Variants in ANO1 observed in about 807,000 individuals in gnomAD.
The protein encoded by ANO1 is anoctamin 1.
A neutral mutation model predicts 124.0 loss-of-function variants in ANO1; 59 were observed. The observed-to-expected ratio is 0.48, with a 90% CI of 0.39 to 0.59. ANO1 has a LOEUF of 0.59. Among genes scored for constraint, ANO1 ranks in the 20% least tolerant of loss-of-function variants. ANO1 has a pLI of 0.00. For missense variants in ANO1, 1,059 were observed against 1,328.0 expected (o/e 0.80, Z 3.15); for synonymous variants, 529 against 532.0 (o/e 0.99, Z 0.08).
intron 7 of ANO1, among the ~76,000 whole-genome samples, chr11:70,113,689 G>T (rs138963720): frequency 2.6e-5 from 4 of 152,142 alleles, no homozygotes; most frequent in Admixed American, 6.5e-5. Context: ...AAATGTTTCC[G>T]GCCCTCCCTG....
chr11:70,089,918 ACT>A (rs902733195), intron 2 of ANO1, among the ~76,000 whole-genome samples: 12 of 152,062 alleles, frequency 7.9e-5, no homozygotes, highest in South Asian at 2.1e-4. Flanking sequence ...GGCCGAGGCC[ACT>A]CTCTGGGAGC....
intron 1 of ANO1, among the ~76,000 whole-genome samples, chr11:70,039,650 C>T (rs11237549): frequency 1.0e-4 from 15 of 148,228 alleles, no homozygotes; most frequent in South Asian, 2.4e-4. Flanking sequence ...CCTCCCCTTC[C>T]GCAGGTAGTA....
chr11:69,995,890 A>G (rs1554998296), intron 1 of ANO1, among the ~76,000 whole-genome samples: 1 of 152,164 alleles, frequency 6.6e-6, no homozygotes, highest in Non-Finnish European at 1.5e-5. Flanking sequence ...AGGCGGGTGG[A>G]TCACCTGAGG....
In ANO1 at chr11:70,139,209, TGC is replaced by T. The variant is rs538288642; in HGVS notation, c.1258+7131_1258+7132del. ...AGAGTGTCTGTCGCCCAGGCTGGAGTGCAGTGGCACAATCTCGGCTCACTGCA... is the reference window on the plus strand; with the variant it reads ...AGAGTGTCTGTCGCCCAGGCTGGAGTAGTGGCACAATCTCGGCTCACTGCA... On this transcript the variant is annotated intron_variant, in intron 11 of 25. Transcript: ENST00000355303. Among the ~76,000 whole-genome samples the T allele has an allele frequency of 1.4e-3, 215 of 152,290 alleles. 2 individuals are homozygous for T. Among genetic ancestry groups the T allele is most frequent in the African/African-American group, 4.8e-3 (200 of 41,554 alleles).
chr11:70,170,299 CGAT>C, intron 21 of ANO1: 1 of 361,954 alleles, frequency 2.8e-6, no homozygotes, highest in South Asian at 2.0e-5. Context: ...TTCCTTTTGG[CGAT>C]GATTTTTTAA....
the ANO1 span, among the ~76,000 whole-genome samples, chr11:69,968,655 C>T: frequency 1.3e-5 from 2 of 152,206 alleles, no homozygotes; most frequent in Non-Finnish European, 2.9e-5. Context: ...GATGCGGTGG[C>T]ATCGCTCTGT....
At chr11:70,039,868 C>T (rs1857155568) in intron 1 of ANO1, among the ~76,000 whole-genome samples, 1 of 152,160 alleles carries the variant, frequency 6.6e-6, no homozygotes, top group Non-Finnish European at 1.5e-5. Flanking sequence ...AAGGAAGTGC[C>T]ACAAGGTGGG....
rs559543058 is a variant in ANO1, at chr11:70,101,095, G to T, written c.442-1971G>T. Among the ~76,000 whole-genome samples, 20 of 152,156 alleles carry T rather than the reference G, an allele frequency of 1.3e-4. No homozygotes were observed. The East Asian group carries it at 3.7e-3, about 28-fold the overall frequency. ...TGCTTTTCTATCGGATCAGGAAGAA[G>T]CATGGGATGAAGCTGGGGTGTCAAG... On this transcript the variant is annotated intron_variant, in intron 2 of 25. Coordinates refer to ENST00000355303, the MANE Select transcript of ANO1 (RefSeq NM_018043.7).
intron 1 of ANO1, among the ~76,000 whole-genome samples, chr11:70,054,505 C>T (rs887942969): frequency 2.0e-5 from 3 of 152,236 alleles, no homozygotes; most frequent in African/African-American, 7.2e-5. Context: ...GAGTCTGAGA[C>T]TCCTAAATTT....
chr11:70,161,430 G>A lies in ANO1; in HGVS notation c.1780+68G>A, dbSNP rs75603592. On this transcript the variant is annotated intron_variant, in intron 17 of 25. Coordinates refer to ENST00000355303, the MANE Select transcript of ANO1 (RefSeq NM_018043.7). ...GCTGGAGTCGCCTGCCTCTTGCTGT[G>A]CATCCTTGAGTTTGTTGCTTAACTT... is the stretch of plus-strand genomic sequence containing the variant. 2.6e-3 allele frequency: 3,960 copies of A among 1,543,440 alleles called. 99 individuals carry two copies. In the African/African-American group the frequency reaches 0.048, roughly 19 times the overall value.
At chr11:70,031,650 G>A (rs1484552798) in intron 1 of ANO1, among the ~76,000 whole-genome samples, 8 of 152,174 alleles carry the variant, frequency 5.3e-5, no homozygotes, top group African/African-American at 1.9e-4. Context: ...CAAGCCAGGG[G>A]GATGAGGGTA....
Position 70,182,851 on chromosome 11 carries a change from G to A in ANO1, c.2588+165G>A, listed in dbSNP as rs181273443. ...AAGGCTGGTGCAGTGGCTCACACCC[G>A]TCATCCCAGCACTTTGGGAGGGCCA... is the stretch of plus-strand genomic sequence containing the variant. On this transcript the variant is annotated intron_variant, in intron 24 of 25. Coordinates refer to ENST00000355303, the MANE Select transcript of ANO1 (RefSeq NM_018043.7). Among the ~76,000 whole-genome samples, 21 of 151,994 alleles carry A rather than the reference G, an allele frequency of 1.4e-4. No individual in the cohort carries two copies. The East Asian group carries it at 3.3e-3, about 24-fold the overall frequency.
At chr11:70,176,924 G>A (rs1375739855) in intron 22 of ANO1, among the ~76,000 whole-genome samples, 1 of 152,172 alleles carries the variant, frequency 6.6e-6, no homozygotes, top group Non-Finnish European at 1.5e-5. Flanking sequence ...GGGCTGGGGT[G>A]CCGGTTCAGC....
At chr11:70,157,848 T>G (rs574329823) in intron 16 of ANO1, among the ~76,000 whole-genome samples, 1 of 151,992 alleles carries the variant, frequency 6.6e-6, no homozygotes, top group Admixed American at 6.6e-5. Flanking sequence ...GGCGTGGTCG[T>G]GCGCGCCTGT....
chr11:70,106,777 C>T (rs184106907), intron 5 of ANO1, among the ~76,000 whole-genome samples: 2 of 152,354 alleles, frequency 1.3e-5, no homozygotes, highest in African/African-American at 4.8e-5. Context: ...GGAGAACTGA[C>T]AGCCCTTCCC....
intron 1 of ANO1, among the ~76,000 whole-genome samples, chr11:70,032,643 CGAG>C (rs1294968175): frequency 6.6e-6 from 1 of 152,050 alleles, no homozygotes; most frequent in Non-Finnish European, 1.5e-5. Context: ...TTTACTGAGA[CGAG>C]GCCCCCGGAC....
intron 25 of ANO1, among the ~76,000 whole-genome samples, chr11:70,186,294 G>A (rs2049114794): frequency 6.8e-6 from 1 of 146,954 alleles, no homozygotes; most frequent in African/African-American, 2.5e-5. Context: ...TCTCAAAAAA[G>A]AGAGAGAGAG....
At chr11:69,985,130 G>A (rs1459017143), upstream of ANO1, among the ~76,000 whole-genome samples, 1 of 152,226 alleles carries the variant, frequency 6.6e-6, no homozygotes, top group Non-Finnish European at 1.5e-5. Context: ...CCTGCCCTGA[G>A]CCCATGAGGC....
chr11:70,175,714 C>A (rs1209872053), intron 22 of ANO1, among the ~76,000 whole-genome samples: 2 of 152,212 alleles, frequency 1.3e-5, no homozygotes, highest in East Asian at 3.8e-4. Context: ...TGGCTTTATC[C>A]AAATACCTCC....
Sources: gnomAD v4.1 joint callset for allele counts (sites outside exome capture counted in the v4.1 genomes callset) on GRCh38, gnomAD v4.1.1 for gene constraint, MANE v1.5 for transcripts, NCBI Gene and HGNC (gene_info 2026-07-23, HGNC 2026-07-21) for gene names.